The following PNMA1 variants were observed in gnomAD, a reference collection of about 807,000 sequenced individuals.
The protein encoded by PNMA1 is paraneoplastic antigen Ma1.
PNMA1 carries 21 observed loss-of-function variants against 26.1 expected under a neutral mutation model. That is an observed-to-expected ratio of 0.80 (90% confidence interval 0.57 to 1.16). The LOEUF (loss-of-function observed/expected upper bound fraction) is 1.16. Among genes scored for constraint, PNMA1 ranks in the 50% most tolerant of loss-of-function variants. PNMA1 has a pLI of 0.00. For synonymous variants in PNMA1, 189 were observed against 177.3 expected (o/e 1.07, Z -0.52); for missense variants, 435 against 437.3 (o/e 0.99, Z 0.05).
In PNMA1 at chr14:73,712,963, G is replaced by C. The variant is rs762161399; in HGVS notation, c.677C>G (p.Thr226Ser). 1 of 1,614,262 alleles carries C rather than the reference G, an allele frequency of 6.2e-7. No homozygotes were observed. The highest frequency in any genetic ancestry group is 2.2e-5 in the East Asian group (1 of 44,882). ...ILKSNNPAIT[T>S]AECLKALEQV... ...CTCAAGCGCCTTCAGGCATTCGGCA[G>C]TGGTTATCGCGGGGTTGTTGGACTT... The change falls in exon 1 of 1, where the codon ACT (threonine) becomes AGT (serine). Residue 226 changes from threonine to serine, a missense_variant. Transcript: ENST00000316836.
In PNMA1 at chr14:73,713,509, G is replaced by A. The variant is rs2052840458; in HGVS notation, c.131C>T (p.Pro44Leu). Residue 44 changes from proline to leucine, a missense_variant, in exon 1 of 1, where the codon CCC (proline) becomes CTC (leucine). Physicochemically the swap from Pro to Leu is moderately conservative, Grantham distance 98. Coordinates refer to ENST00000316836, the MANE Select transcript of PNMA1 (RefSeq NM_006029.5). ...EIEETLQAAMPQVSYRMLGRM... is the reference protein window; with the variant it reads ...EIEETLQAAMLQVSYRMLGRM... The stretch of plus-strand genomic sequence containing the variant: ...CCCAAGCATTCGGTAGGAGACCTGG[G>A]GCATCGCAGCCTGGAGGGTCTCTTC... 1.2e-6 allele frequency: 2 copies of A among 1,614,152 alleles called. No individual in the cohort carries two copies. Among genetic ancestry groups the A allele is most frequent in the Non-Finnish European group, 1.7e-6 (2 of 1,180,036 alleles).
In PNMA1 at chr14:73,713,558, C is replaced by T; in HGVS notation, c.82G>A (p.Val28Met). Residue 28 changes from valine (V) to methionine (M), a missense_variant, in exon 1 of 1, where the codon GTG (valine) becomes ATG (methionine). Physicochemically the swap from Val to Met is conservative, Grantham distance 21. Coordinates refer to ENST00000316836, the MANE Select transcript of PNMA1 (RefSeq NM_006029.5). ...QRALLVWGIP[V>M]NCDEAEIEET... Reference sequence around the variant, plus strand: ...TCGATTTCAGCCTCATCACAGTTCACTGGGATGCCCCAGACTAACAGAGCT... The same window carrying T: ...TCGATTTCAGCCTCATCACAGTTCATTGGGATGCCCCAGACTAACAGAGCT... 2 of 1,614,166 alleles carry T rather than the reference C, an allele frequency of 1.2e-6. No homozygotes were observed. Among genetic ancestry groups the T allele is most frequent in the Non-Finnish European group, 1.7e-6 (2 of 1,180,006 alleles).
In PNMA1 at chr14:73,712,853, C is replaced by G. The variant is rs1322653453; in HGVS notation, c.787G>C (p.Ala263Pro). ...TYQNPGEKLS[A>P]YVIRLEPLLQ... Reference sequence around the variant, plus strand: ...AGAGGCTCCAGACGAATGACATAAGCAGACAATTTTTCTCCCGGGTTCTGA... The same window carrying G: ...AGAGGCTCCAGACGAATGACATAAGGAGACAATTTTTCTCCCGGGTTCTGA... Residue 263 changes from alanine to proline, a missense_variant, in exon 1 of 1, where the codon GCT becomes CCT. By Grantham distance (27) the Ala-to-Pro change is conservative. Coordinates refer to ENST00000316836, the MANE Select transcript of PNMA1 (RefSeq NM_006029.5). The G allele has an allele frequency of 1.2e-6, 2 of 1,614,132 alleles. No individual in the cohort carries two copies. The highest frequency in any genetic ancestry group is 2.2e-5 in the East Asian group (1 of 44,892).
At position 73,713,358 on chromosome 14, in the gene PNMA1, G is replaced by C; in HGVS notation, c.282C>G (p.Pro94=). Residue 94 remains proline, a synonymous_variant, in exon 1 of 1, where the codon CCC becomes CCG. Coordinates refer to ENST00000316836, the MANE Select transcript of PNMA1 (RefSeq NM_006029.5). Reference sequence around the variant, plus strand: ...CTAAAAATTCAGCATCAGAAGTTGGGGGCTTAAATAACACTTTCCAGACCC... The same window carrying C: ...CTAAAAATTCAGCATCAGAAGTTGGCGGCTTAAATAACACTTTCCAGACCC... ...KGGVWKVLFK[P]PTSDAEFLER... is the part of the protein sequence containing the mutation. 6.2e-7 allele frequency: 1 copy of C among 1,614,154 alleles called. No individual in the cohort carries two copies. Among genetic ancestry groups the C allele is most frequent in the Non-Finnish European group, 8.5e-7 (1 of 1,180,040 alleles).
Position 73,713,218 on chromosome 14 carries a change from A to AGCATCTCTGCTG in PNMA1, c.410_421dup (p.Pro137_Met140dup). ...AATAACATTATCCAAAATATAGTTT[A>AGCATCTCTGCTG]GCATCTCTGCTGGCATCTCTGGGCC... On this transcript the variant is annotated inframe_insertion, in exon 1 of 1. Transcript: ENST00000316836. 6.2e-7 allele frequency: 1 copy of AGCATCTCTGCTG among 1,614,096 alleles called. No individual in the cohort carries two copies. The highest frequency in any genetic ancestry group is 8.5e-7 in the Non-Finnish European group (1 of 1,180,036).
At position 73,713,835 on chromosome 14, in the gene PNMA1, G is replaced by A. The variant is rs1316188772; in HGVS notation, c.-196C>T. The A allele has an allele frequency of 4.0e-6, 2 of 500,458 alleles. No individual in the cohort carries two copies. Among genetic ancestry groups the A allele is most frequent in the Non-Finnish European group, 7.1e-6 (2 of 281,942 alleles). The allele number at this position is 500,458 out of a possible 1,614,324, so 31.0% of individuals were successfully genotyped here. On this transcript the variant is annotated 5_prime_UTR_variant, in exon 1 of 1. Coordinates refer to ENST00000316836, the MANE Select transcript of PNMA1 (RefSeq NM_006029.5). Reference sequence around the variant, plus strand: ...TCAGTCCGTAGGTGCACTCGGAGCCGAGCTCGGGGACGCTGAGGCAGTCAC... The same window carrying A: ...TCAGTCCGTAGGTGCACTCGGAGCCAAGCTCGGGGACGCTGAGGCAGTCAC...
rs780784095 is a variant in PNMA1, at chr14:73,713,533, T to C, written c.107A>G (p.Glu36Gly). 6 of 1,614,110 alleles carry C rather than the reference T, an allele frequency of 3.7e-6. 1 individual carries two copies. Among genetic ancestry groups the C allele is most frequent in the Non-Finnish European group, 5.1e-6 (6 of 1,180,014 alleles). The part of the protein sequence containing the change: ...IPVNCDEAEI[E>G]ETLQAAMPQV... Reference sequence around the variant, plus strand: ...GGGCATCGCAGCCTGGAGGGTCTCTTCGATTTCAGCCTCATCACAGTTCAC... The same window carrying C: ...GGGCATCGCAGCCTGGAGGGTCTCTCCGATTTCAGCCTCATCACAGTTCAC... Residue 36 changes from glutamate to glycine, a missense_variant, in exon 1 of 1, where the codon GAA becomes GGA. By Grantham distance (98) the Glu-to-Gly change is moderately conservative. Transcript: ENST00000316836.
chr14:73,713,741 G>A lies in PNMA1; in HGVS notation c.-102C>T. The stretch of plus-strand genomic sequence containing the variant: ...ACACTCCCACCAAGTAGGCCCGAGG[G>A]AGGCGACCTTCATGCAGTCACGATT... On this transcript the variant is annotated 5_prime_UTR_variant, in exon 1 of 1. Transcript: ENST00000316836. 9.2e-7 allele frequency: 1 copy of A among 1,086,354 alleles called. No homozygotes were observed. The highest frequency in any genetic ancestry group is 1.3e-6 in the Non-Finnish European group (1 of 741,416). The allele number at this position is 1,086,354 out of a possible 1,614,324, so 67.3% of individuals were successfully genotyped here.
At position 73,713,675 on chromosome 14, in the gene PNMA1, G is replaced by T. The variant is rs751094822; in HGVS notation, c.-36C>A. ...ATCAAGACGCCAAATTCTACCAACA[G>T]ACTGTGGCTCACCGTGCTCCTGGCC... is the stretch of plus-strand genomic sequence containing the variant. On this transcript the variant is annotated 5_prime_UTR_variant, in exon 1 of 1. The change creates a new upstream start codon in the 5' untranslated region. Coordinates refer to ENST00000316836, the MANE Select transcript of PNMA1 (RefSeq NM_006029.5). The T allele has an allele frequency of 1.9e-6, 3 of 1,558,432 alleles. No homozygotes were observed. The highest frequency in any genetic ancestry group is 2.4e-5 in the South Asian group (2 of 83,204).
chr14:73,712,659 C>G lies in PNMA1; in HGVS notation c.981G>C (p.Gln327His), dbSNP rs772146178. Residue 327 changes from glutamine to histidine, a missense_variant, in exon 1 of 1, where the codon CAG becomes CAC. Physicochemically the swap from Gln to His is conservative, Grantham distance 24 (BLOSUM62 0). Transcript: ENST00000316836. ...CCTCCTTGGCTTCCTCCTCACGGAT[C>G]TGCACCAGCAACTGAAAGAGGTTTG... Reference protein sequence around the residue: ...PAPNLFQLLVQIREEEAKEEE... With the variant: ...PAPNLFQLLVHIREEEAKEEE... 12 of 1,613,940 alleles carry G rather than the reference C, an allele frequency of 7.4e-6. No homozygotes were observed. In the South Asian group the frequency reaches 1.2e-4, roughly 16 times the overall value.
rs1297759572 is a variant in PNMA1 at position 73,713,261 on chromosome 14, T to C, written c.379A>G (p.Asn127Asp). 1 of 1,614,158 alleles carries C rather than the reference T, an allele frequency of 6.2e-7. No homozygotes were observed. Reference protein sequence around the residue: ...QDVARVLGFQNPTPTPGPEMP... With the variant: ...QDVARVLGFQDPTPTPGPEMP... ...TCTGGGCCCGGGGTCGGAGTAGGGT[T>C]CTGAAACCCAAGGACACGGGCAACA... Residue 127 changes from asparagine (N) to aspartate (D), a missense_variant, in exon 1 of 1, where the codon AAC becomes GAC. Asn to Asp is a conservative substitution (Grantham distance 23, BLOSUM62 1). Transcript: ENST00000316836.
Position 73,713,049 on chromosome 14 carries a change from T to C in PNMA1, c.591A>G (p.Glu197=), listed in dbSNP as rs574587620. ...GACTCTCCATCAACCGCCGCCTCTT[T>C]TCTACATCGGACACCTGCCACTCCT... ...VLEEWQVSDV[E]KRRRLMESLR... Residue 197 remains glutamate (E), a synonymous_variant, in exon 1 of 1, where the codon GAA becomes GAG. Coordinates refer to ENST00000316836, the MANE Select transcript of PNMA1 (RefSeq NM_006029.5). 5.5e-4 allele frequency: 886 copies of C among 1,613,932 alleles called. 11 individuals carry two copies. The South Asian group carries it at 9.0e-3, about 16-fold the overall frequency.
In PNMA1 at chr14:73,713,165, T is replaced by C. The variant is rs1482798699; in HGVS notation, c.475A>G (p.Lys159Glu). 2 of 1,613,884 alleles carry C rather than the reference T, an allele frequency of 1.2e-6. No individual in the cohort carries two copies. Among genetic ancestry groups the C allele is most frequent in the South Asian group, 1.1e-5 (1 of 91,054 alleles). The change falls in exon 1 of 1, where the codon AAG becomes GAG. Residue 159 changes from lysine to glutamate, a missense_variant. Physicochemically the swap from Lys to Glu is moderately conservative, Grantham distance 56. Coordinates refer to ENST00000316836, the MANE Select transcript of PNMA1 (RefSeq NM_006029.5). ...CTCCCCGAGAAAAGTGTCAGCCTCT[T>C]GTACCATATGGACTCAACAAGAGGC... ...IQPLVESIWY[K>E]RLTLFSGRDI...
Position 73,712,855 on chromosome 14 carries a change from G to C in PNMA1, c.785C>G (p.Ser262Cys). 6.2e-7 allele frequency: 1 copy of C among 1,614,136 alleles called. No homozygotes were observed. The highest frequency in any genetic ancestry group is 8.5e-7 in the Non-Finnish European group (1 of 1,180,040). ...AGGCTCCAGACGAATGACATAAGCA[G>C]ACAATTTTTCTCCCGGGTTCTGATA... The part of the protein sequence containing the change: ...NTYQNPGEKL[S>C]AYVIRLEPLL... Residue 262 changes from serine (S) to cysteine (C), a missense_variant, in exon 1 of 1, where the codon TCT (serine) becomes TGT (cysteine). By Grantham distance (112) the Ser-to-Cys change is moderately radical (BLOSUM62 -1). Coordinates refer to ENST00000316836, the MANE Select transcript of PNMA1 (RefSeq NM_006029.5).
In PNMA1 at chr14:73,713,774, A is replaced by T. The variant is rs958285152; in HGVS notation, c.-135T>A. The T allele has an allele frequency of 2.5e-6, 2 of 802,620 alleles. No individual in the cohort carries two copies. Among genetic ancestry groups the T allele is most frequent in the Non-Finnish European group, 4.1e-6 (2 of 490,402 alleles). 49.7% of individuals were successfully genotyped at this position (802,620 alleles called of 1,614,324 possible). On this transcript the variant is annotated 5_prime_UTR_variant, in exon 1 of 1. Transcript: ENST00000316836. ...CTTCATGCAGTCACGATTAACAAAG[A>T]CAGAGTCCTGATCTCGCCCTTCTCT...
chr14:73,713,279 G>A lies in PNMA1; in HGVS notation c.361C>T (p.Arg121Cys), dbSNP rs754458974. The A allele has an allele frequency of 2.7e-5, 44 of 1,614,018 alleles. No individual in the cohort carries two copies. The highest frequency in any genetic ancestry group is 3.4e-5 in the Non-Finnish European group (40 of 1,180,040). The part of the protein sequence containing the change: ...REGWTVQDVA[R>C]VLGFQNPTPT... ...GTAGGGTTCTGAAACCCAAGGACACGGGCAACATCTTGCACGGTCCACCCC... is the reference window on the plus strand; with the variant it reads ...GTAGGGTTCTGAAACCCAAGGACACAGGCAACATCTTGCACGGTCCACCCC... Residue 121 changes from arginine (R) to cysteine (C), a missense_variant, in exon 1 of 1, where the codon CGT (arginine) becomes TGT (cysteine). Transcript: ENST00000316836.
Position 73,713,303 on chromosome 14 carries a change from C to A in PNMA1, c.337G>T (p.Gly113Trp), listed in dbSNP as rs759508030. 4 of 1,614,208 alleles carry A rather than the reference C, an allele frequency of 2.5e-6. No homozygotes were observed. Among genetic ancestry groups the A allele is most frequent in the Non-Finnish European group, 3.4e-6 (4 of 1,180,036 alleles). ...ERLHLFLARE[G>W]WTVQDVARVL... The stretch of plus-strand genomic sequence containing the variant: ...CGGGCAACATCTTGCACGGTCCACC[C>A]CTCTCTAGCTAGGAAGAGGTGCAAT... Residue 113 changes from glycine to tryptophan, a missense_variant, in exon 1 of 1, where the codon GGG becomes TGG. Transcript: ENST00000316836.
At position 73,712,686 on chromosome 14, in the gene PNMA1, G is replaced by C; in HGVS notation, c.954C>G (p.Ala318=). Reference sequence around the variant, plus strand: ...GCACCAGCAACTGAAAGAGGTTTGGGGCTGGCCCTTCCCCAGCCCCGGTAA... The same window carrying C: ...GCACCAGCAACTGAAAGAGGTTTGGCGCTGGCCCTTCCCCAGCCCCGGTAA... ...LWLTGAGEGP[A]PNLFQLLVQI... The change falls in exon 1 of 1, where the codon GCC becomes GCG. Residue 318 remains alanine, a synonymous_variant. Coordinates refer to ENST00000316836, the MANE Select transcript of PNMA1 (RefSeq NM_006029.5). 2.5e-6 allele frequency: 4 copies of C among 1,613,878 alleles called. No individual in the cohort carries two copies. The highest frequency in any genetic ancestry group is 3.4e-6 in the Non-Finnish European group (4 of 1,179,878).
chr14:73,712,589 C>A lies in PNMA1; in HGVS notation c.1051G>T (p.Gly351Trp), dbSNP rs2052827874. The A allele has an allele frequency of 1.9e-6, 3 of 1,596,352 alleles. No individual in the cohort carries two copies. In the African/African-American group the frequency reaches 4.0e-5, roughly 21 times the overall value. The change falls in exon 1 of 1, where the codon GGG (glycine) becomes TGG (tryptophan). Residue 351 changes from glycine to tryptophan, a missense_variant. Physicochemically the swap from Gly to Trp is radical, Grantham distance 184. Coordinates refer to ENST00000316836, the MANE Select transcript of PNMA1 (RefSeq NM_006029.5). ...EATLLQLGLEGHF is the reference protein window; with the variant it reads ...EATLLQLGLEWHF ...GCCTTTCCTGGCACTCAGAAGTGCCCTTCCAGGCCTAACTGCAGAAGGGTG... is the reference window on the plus strand; with the variant it reads ...GCCTTTCCTGGCACTCAGAAGTGCCATTCCAGGCCTAACTGCAGAAGGGTG...
Sources: gnomAD v4.1 joint callset for allele counts on GRCh38, gnomAD v4.1.1 for gene constraint, MANE v1.5 for transcripts, NCBI Gene and HGNC (gene_info 2026-07-23, HGNC 2026-07-21) for gene names.